Variants in GALNT16 observed in about 807,000 individuals in gnomAD.
The protein encoded by GALNT16 is UDP-GalNAc:polypeptide N-acetylgalactosaminyltransferase-like protein 1.
A neutral mutation model predicts 76.1 loss-of-function variants in GALNT16; 40 were observed. The ratio of observed to expected loss-of-function variants is 0.53; its 90% CI spans 0.41 to 0.68. The LOEUF is 0.68. Among genes scored for constraint, GALNT16 ranks in the 30% least tolerant of loss-of-function variants. The probability of loss-of-function intolerance (pLI) is 0.00; values close to 1 mark genes in which losing one functional copy is unlikely to be tolerated. For missense variants in GALNT16, 621 were observed against 731.9 expected, an observed-to-expected ratio of 0.85 and a Z score of 1.75; for synonymous variants, 276 against 285.2, an observed-to-expected ratio of 0.97 and a Z score of 0.32.
intron 14 of GALNT16, 80 bp from the exon 15 acceptor site, chr14:69,351,951 A>C: frequency 7.4e-7 from 1 of 1,343,944 alleles, no homozygotes; most frequent in East Asian, 2.3e-5. Context: ...GTGTGCATAC[A>C]TGTGGAATGA....
At chr14:69,328,918 G>A (rs1433726175) in intron 6 of GALNT16, among the ~76,000 whole-genome samples, 1 of 152,200 alleles carries the variant, frequency 6.6e-6, no homozygotes, top group African/African-American at 2.4e-5. Flanking sequence ...AGGGAGCAGA[G>A]GATGTTGTTC....
Position 69,264,819 on chromosome 14 carries a change from C to CTTTTTTTTTTTTT in GALNT16, c.177+4363_177+4364insTTTTTTTTTTTTT, listed in dbSNP as rs60818532. ...TTTATTTTCTCTTTTCTTTTTCTTTCTTTTTTTTTTTGGACACAGGGTCTC... is the reference window on the plus strand; with the variant it reads ...TTTATTTTCTCTTTTCTTTTTCTTTCTTTTTTTTTTTTTTTTTTTTTTTTGGACACAGGGTCTC... On this transcript the variant is annotated intron_variant, in intron 1 of 14. Coordinates refer to ENST00000448469, the MANE Select transcript of GALNT16 (RefSeq NM_001168368.2). Among the ~76,000 whole-genome samples the CTTTTTTTTTTTTT allele has an allele frequency of 4.2e-4, 41 of 96,574 alleles. 9 individuals are homozygous for CTTTTTTTTTTTTT. Among genetic ancestry groups the CTTTTTTTTTTTTT allele is most frequent in the African/African-American group, 1.1e-3 (21 of 19,466 alleles). The allele number at this position is 96,574 out of a possible 152,430, so 63.4% of individuals were successfully genotyped here. A position where few individuals can be genotyped will look rare whatever the true frequency, so the allele number is the denominator to read the frequency against.
At chr14:69,311,689 C>T (rs890152810) in intron 1 of GALNT16, among the ~76,000 whole-genome samples, 6 of 152,162 alleles carry the variant, frequency 3.9e-5, no homozygotes, top group African/African-American at 1.2e-4. Context: ...TGTGCCATAT[C>T]GGCCACTACT....
rs115950555 is a variant in GALNT16 at position 69,317,797 on chromosome 14, A to G, written c.178-2914A>G. Among the ~76,000 whole-genome samples, 627 of 152,342 alleles carry G rather than the reference A, an allele frequency of 4.1e-3. 6 individuals are homozygous for G. Among genetic ancestry groups the G allele is most frequent in the African/African-American group, 0.015 (604 of 41,576 alleles). On this transcript the variant is annotated intron_variant, in intron 1 of 14. Transcript: ENST00000448469. ...GCCAAGTTAGGGGCACCCGTGGGACATTCAAAGACCTGAAGTCTCAAGATC... is the reference window on the plus strand; with the variant it reads ...GCCAAGTTAGGGGCACCCGTGGGACGTTCAAAGACCTGAAGTCTCAAGATC...
chr14:69,335,196 G>C (rs1422710864), intron 9 of GALNT16, among the ~76,000 whole-genome samples: 1 of 152,174 alleles, frequency 6.6e-6, no homozygotes, highest in Non-Finnish European at 1.5e-5. Flanking sequence ...CTTTCTCCCT[G>C]ATGAGGAAAA....
intron 1 of GALNT16, among the ~76,000 whole-genome samples, chr14:69,313,250 A>T (rs2045053201): frequency 6.6e-6 from 1 of 152,200 alleles, no homozygotes. Context: ...AGACTCAGAG[A>T]TGCTTGATTT....
intron 1 of GALNT16, among the ~76,000 whole-genome samples, chr14:69,272,545 T>C (rs911046344): frequency 6.6e-6 from 1 of 152,176 alleles, no homozygotes; most frequent in African/African-American, 2.4e-5. Context: ...CACTGTAATG[T>C]TGCAGCACAA....
At chr14:69,325,507 C>T (rs1302652223) in intron 4 of GALNT16, 103 bp downstream of exon 4, 3 of 773,546 alleles carry the variant, frequency 3.9e-6, no homozygotes, top group Non-Finnish European at 7.1e-6. Flanking sequence ...CCATCGCAGA[C>T]ACCTTTCTGC....
chr14:69,296,117 A>G (rs2044756362), intron 1 of GALNT16, among the ~76,000 whole-genome samples: 1 of 152,218 alleles, frequency 6.6e-6, no homozygotes, highest in African/African-American at 2.4e-5. Flanking sequence ...ACTTCCAATC[A>G]TGGGAGAAGG....
downstream of GALNT16, among the ~76,000 whole-genome samples, chr14:69,361,614 T>C (rs1183399038): frequency 6.6e-6 from 1 of 152,216 alleles, no homozygotes; most frequent in Non-Finnish European, 1.5e-5. Context: ...CCCGTATCCT[T>C]ACATGGCTGA....
At chr14:69,344,759 G>C (rs1304424405) in intron 12 of GALNT16, among the ~76,000 whole-genome samples, 1 of 152,212 alleles carries the variant, frequency 6.6e-6, no homozygotes, top group African/African-American at 2.4e-5. Context: ...CAAGGGAGTA[G>C]CAGGGTCTGG....
chr14:69,325,857 C>G, intron 4 of GALNT16, 105 bp from the exon 5 acceptor site: 1 of 869,284 alleles, frequency 1.2e-6, no homozygotes. Flanking sequence ...TCCCCATCCC[C>G]AACCCTTTCC....
intron 5 of GALNT16, 100 bp from the exon 6 acceptor site, chr14:69,328,350 C>T (rs1165055349): frequency 3.2e-6 from 4 of 1,240,022 alleles, no homozygotes; most frequent in Admixed American, 2.2e-5. Context: ...CTCAGGAAGC[C>T]TCAGCCCCTG....
At chr14:69,381,264 T>C in the GALNT16 span, among the ~76,000 whole-genome samples, 197 of 152,060 alleles carry the variant, frequency 1.3e-3, no homozygotes, top group Admixed American at 2.2e-3. Context: ...AGACTCCATC[T>C]CAAAAAAACA....
rs1203666433 is a variant in GALNT16, at chr14:69,300,081, G to C, written c.178-20630G>C. On this transcript the variant is annotated intron_variant, in intron 1 of 14. Coordinates refer to ENST00000448469, the MANE Select transcript of GALNT16 (RefSeq NM_001168368.2). ...ATTTTAGGAAGGGATGTTTCCTAGG[G>C]TGCTGCCTCCTTTCCCCACAAATGG... Among the ~76,000 whole-genome samples the C allele has an allele frequency of 2.6e-5, 4 of 152,188 alleles. No individual in the cohort carries two copies. In the East Asian group the frequency reaches 7.7e-4, roughly 29 times the overall value.
At chr14:69,301,282 T>C (rs888768237) in intron 1 of GALNT16, among the ~76,000 whole-genome samples, 3 of 152,194 alleles carry the variant, frequency 2.0e-5, no homozygotes, top group Non-Finnish European at 1.5e-5. Context: ...AGGTGTGCGA[T>C]CACTCTTCCC....
intron 9 of GALNT16, among the ~76,000 whole-genome samples, chr14:69,335,925 G>A (rs1050667028): frequency 3.9e-5 from 6 of 152,142 alleles, no homozygotes; most frequent in Admixed American, 3.3e-4. Context: ...ATGTGTTGGG[G>A]ATCCTTTTAA....
chr14:69,282,215 CTG>C (rs1363266464), intron 1 of GALNT16, among the ~76,000 whole-genome samples: 1 of 152,218 alleles, frequency 6.6e-6, no homozygotes, highest in African/African-American at 2.4e-5. Context: ...TGCCCGCTGC[CTG>C]TGTGGACACA....
At chr14:69,338,254 C>T (rs1354957012) in intron 9 of GALNT16, among the ~76,000 whole-genome samples, 1 of 152,242 alleles carries the variant, frequency 6.6e-6, no homozygotes, top group Non-Finnish European at 1.5e-5. Context: ...TTTCCGACCT[C>T]TCAGGTGCAC....
Sources: gnomAD v4.1 joint callset for allele counts (sites outside exome capture counted in the v4.1 genomes callset) on GRCh38, gnomAD v4.1.1 for gene constraint, MANE v1.5 for transcripts, NCBI Gene and HGNC (gene_info 2026-07-23, HGNC 2026-07-21) for gene names.